The following OSBPL10 variants were observed in gnomAD, a reference collection of about 807,000 sequenced individuals.
OSBPL10 encodes oxysterol binding protein like 10.
Under a neutral mutation model 81.7 loss-of-function variants are expected in OSBPL10, and 49 were observed. That is an observed-to-expected ratio of 0.60 (90% CI 0.48 to 0.76). The LOEUF is 0.76. OSBPL10 is among the 30% of genes least tolerant of loss of function. The pLI, the probability that OSBPL10 is intolerant of heterozygous loss-of-function variation, is 0.00. For synonymous variants in OSBPL10, 419 were observed against 383.6 expected (o/e 1.09, Z -1.08); for missense variants, 923 against 987.8 (o/e 0.93, Z 0.88).
intron 3 of OSBPL10, 94 bp from the exon 4 acceptor site, chr3:31,830,325 C>A: frequency 7.8e-7 from 1 of 1,279,248 alleles, no homozygotes; most frequent in African/African-American, 1.5e-5. Flanking sequence ...TTCATCTTTC[C>A]CCTTCCTCTC....
intron 6 of OSBPL10, among the ~76,000 whole-genome samples, chr3:31,731,145 C>T (rs1222210313): frequency 6.6e-6 from 1 of 151,970 alleles, no homozygotes; most frequent in African/African-American, 2.4e-5. Flanking sequence ...AGCACAATGG[C>T]CTAAGAAGAA....
intron 1 of OSBPL10, among the ~76,000 whole-genome samples, chr3:31,917,219 G>A (rs991415435): frequency 5.3e-5 from 8 of 152,200 alleles, no homozygotes; most frequent in Admixed American, 4.6e-4. Flanking sequence ...TTCATGTGAG[G>A]TGGGGCCAAG....
chr3:31,882,277 T>A (rs760868163), intron 1 of OSBPL10, among the ~76,000 whole-genome samples: 1 of 152,224 alleles, frequency 6.6e-6, no homozygotes, highest in Non-Finnish European at 1.5e-5. Context: ...TTTACTCTTC[T>A]TCCCTCTCAT....
chr3:31,670,635 G>A (rs976248720), intron 9 of OSBPL10, among the ~76,000 whole-genome samples, 162 bp downstream of exon 9: 1 of 152,178 alleles, frequency 6.6e-6, no homozygotes, highest in Non-Finnish European at 1.5e-5. Flanking sequence ...CCAAAAAACT[G>A]CCATGTAAGG....
intron 3 of OSBPL10, among the ~76,000 whole-genome samples, chr3:31,872,881 C>G (rs545897974): frequency 1.1e-4 from 17 of 152,282 alleles, no homozygotes; most frequent in African/African-American, 3.6e-4. Flanking sequence ...GCCTCAGCCT[C>G]CCAAAGTGCT....
At chr3:31,930,017 A>AAAAAC in intron 1 of OSBPL10, among the ~76,000 whole-genome samples, 1 of 150,498 alleles carries the variant, frequency 6.6e-6, no homozygotes, top group Non-Finnish European at 1.5e-5. Flanking sequence ...AAAAAAAAAA[A>AAAAAC]AAAAAAAAAC....
intron 3 of OSBPL10, among the ~76,000 whole-genome samples, chr3:31,840,235 G>A (rs1242344421): frequency 6.6e-6 from 1 of 152,124 alleles, no homozygotes; most frequent in Non-Finnish European, 1.5e-5. Flanking sequence ...CTACCAGTGG[G>A]TCAAACCAGC....
At chr3:31,846,800 G>A (rs935778489) in intron 3 of OSBPL10, among the ~76,000 whole-genome samples, 2 of 152,056 alleles carry the variant, frequency 1.3e-5, no homozygotes, top group African/African-American at 2.4e-5. Flanking sequence ...TGGTGCTCCT[G>A]AGCATGCCCA....
intron 8 of OSBPL10, among the ~76,000 whole-genome samples, chr3:31,681,225 G>A (rs1176939022): frequency 6.6e-6 from 1 of 152,206 alleles, no homozygotes; most frequent in Non-Finnish European, 1.5e-5. Flanking sequence ...ATGAGCTGCT[G>A]ATTACTAGAC....
At chr3:31,783,622 C>T (rs904567385) in intron 4 of OSBPL10, among the ~76,000 whole-genome samples, 22 of 149,108 alleles carry the variant, frequency 1.5e-4, no homozygotes, top group Non-Finnish European at 2.1e-4. Flanking sequence ...GAAATCCCGT[C>T]TCTACTAAAA....
chr3:31,890,431 T>G (rs765382736), intron 1 of OSBPL10, among the ~76,000 whole-genome samples: 7 of 151,910 alleles, frequency 4.6e-5, no homozygotes, highest in Non-Finnish European at 1.0e-4. Context: ...TGGCATCGAG[T>G]TCCTGCATAA....
intron 5 of OSBPL10, among the ~76,000 whole-genome samples, chr3:31,737,049 A>T (rs774408911): frequency 1.1e-4 from 16 of 152,192 alleles, no homozygotes; most frequent in Non-Finnish European, 1.6e-4. Context: ...ACAGAGCAAG[A>T]AGTGGAGTCT....
At chr3:31,895,163 T>TCA (rs1328654798) in intron 1 of OSBPL10, among the ~76,000 whole-genome samples, 2 of 134,206 alleles carry the variant, frequency 1.5e-5, no homozygotes, top group African/African-American at 3.1e-5. Context: ...AGACGGAGTC[T>TCA]CACTCTGTCG....
At chr3:31,761,046 G>C (rs1210297119) in intron 4 of OSBPL10, among the ~76,000 whole-genome samples, 1 of 151,934 alleles carries the variant, frequency 6.6e-6, no homozygotes, top group Non-Finnish European at 1.5e-5. Flanking sequence ...AGTCGTGTGT[G>C]AGCTGTCCTC....
At chr3:31,880,256 G>T (rs929991830) in intron 1 of OSBPL10, among the ~76,000 whole-genome samples, 1 of 152,242 alleles carries the variant, frequency 6.6e-6, no homozygotes, top group African/African-American at 2.4e-5. Context: ...GCAGCAGCAA[G>T]CTTGGTCTCC....
intron 4 of OSBPL10, among the ~76,000 whole-genome samples, chr3:31,809,275 G>T (rs1457680343): frequency 6.6e-6 from 1 of 152,200 alleles, no homozygotes; most frequent in African/African-American, 2.4e-5. Context: ...TCCACAGGAA[G>T]TAATAGCCTC....
chr3:31,832,522 A>G (rs6807471), intron 3 of OSBPL10, among the ~76,000 whole-genome samples: 79,240 of 151,968 alleles, frequency 0.52, 21,370 homozygotes, highest in East Asian at 0.77. Flanking sequence ...CTAGGAAAAT[A>G]TCTACTGTGT....
intron 4 of OSBPL10, among the ~76,000 whole-genome samples, chr3:31,762,241 T>C (rs1374737405): frequency 6.6e-6 from 1 of 152,140 alleles, no homozygotes; most frequent in Non-Finnish European, 1.5e-5. Context: ...CACAGAGTAG[T>C]CCTTTGCTGC....
At chr3:31,895,252 C>G (rs1161142281) in intron 1 of OSBPL10, among the ~76,000 whole-genome samples, 1 of 151,286 alleles carries the variant, frequency 6.6e-6, no homozygotes, top group Non-Finnish European at 1.5e-5. Flanking sequence ...CTACCTCAGC[C>G]TCCCGAGTAG....
Sources: gnomAD v4.1 joint callset for allele counts (sites outside exome capture counted in the v4.1 genomes callset) on GRCh38, gnomAD v4.1.1 for gene constraint, MANE v1.5 for transcripts, NCBI Gene and HGNC (gene_info 2026-07-23, HGNC 2026-07-21) for gene names.